Variants in WDR70 observed in about 807,000 individuals in gnomAD.
The protein encoded by WDR70 is WD repeat domain 70, also known as WD repeat-containing protein 70.
In WDR70, 53 loss-of-function variants were observed where a neutral mutation model predicts 88.6. The ratio of observed to expected loss-of-function variants is 0.60; its 90% CI spans 0.48 to 0.75. The LOEUF is 0.75. Among genes scored for constraint, WDR70 ranks in the 30% least tolerant of loss-of-function variants. The pLI, the probability that WDR70 is intolerant of heterozygous loss-of-function variation, is 0.00. For synonymous variants in WDR70, 280 were observed against 270.0 expected, an observed-to-expected ratio of 1.04 and a Z score of -0.36; for missense variants, 610 against 823.2, an observed-to-expected ratio of 0.74 and a Z score of 3.17.
At chr5:37,714,219 A>G (rs1247248375) in intron 13 of WDR70, among the ~76,000 whole-genome samples, 1 of 152,210 alleles carries the variant, frequency 6.6e-6, no homozygotes, top group Non-Finnish European at 1.5e-5. Context: ...ATCTGATTAC[A>G]TATATTTCTT....
chr5:37,593,763 C>T (rs750859007), intron 9 of WDR70, among the ~76,000 whole-genome samples: 1 of 152,184 alleles, frequency 6.6e-6, no homozygotes, highest in Non-Finnish European at 1.5e-5. Context: ...TACGGTCCCA[C>T]CAACAGTGTA....
At chr5:37,699,733 A>G (rs1397102124) in intron 11 of WDR70, among the ~76,000 whole-genome samples, 1 of 152,050 alleles carries the variant, frequency 6.6e-6, no homozygotes, top group Non-Finnish European at 1.5e-5. Context: ...GGATCACTTG[A>G]GGCCAGGAGT....
At chr5:37,444,081 G>C (rs1018100166) in intron 7 of WDR70, among the ~76,000 whole-genome samples, 12 of 151,722 alleles carry the variant, frequency 7.9e-5, no homozygotes, top group African/African-American at 2.7e-4. Flanking sequence ...CCCGGGAGGT[G>C]GAGGCTGCAG....
intron 9 of WDR70, among the ~76,000 whole-genome samples, chr5:37,558,451 TG>T (rs1742379073): frequency 6.6e-6 from 1 of 152,080 alleles, no homozygotes; most frequent in African/African-American, 2.4e-5. Flanking sequence ...CTCAGGTAGC[TG>T]GGACTATAGG....
intron 17 of WDR70, among the ~76,000 whole-genome samples, chr5:37,731,733 A>G (rs934607374): frequency 6.6e-6 from 1 of 152,180 alleles, no homozygotes; most frequent in Non-Finnish European, 1.5e-5. Context: ...GTCTATGTTT[A>G]CACACAAATC....
In WDR70 at chr5:37,696,681, G is replaced by A. The variant is rs148508099; in HGVS notation, c.1093-974G>A. Among the ~76,000 whole-genome samples the A allele has an allele frequency of 4.4e-3, 377 of 86,634 alleles. 2 individuals are homozygous for A. The highest frequency in any genetic ancestry group is 7.0e-3 in the Non-Finnish European group (256 of 36,624). The allele number at this position is 86,634 out of a possible 152,430, so 56.8% of individuals were successfully genotyped here. On this transcript the variant is annotated intron_variant, in intron 10 of 17. Transcript: ENST00000265107. ...TACACAGGTACACACACACGCGCGT[G>A]CACACACACCTATTATAGAGGTTAC... is the stretch of plus-strand genomic sequence containing the variant.
intron 5 of WDR70, among the ~76,000 whole-genome samples, chr5:37,436,784 T>A (rs1324934518): frequency 6.6e-6 from 1 of 152,134 alleles, no homozygotes; most frequent in Non-Finnish European, 1.5e-5. Context: ...TTTGTTTTTT[T>A]ACTATGGTAA....
At chr5:37,409,064 G>A (rs1049130733) in intron 5 of WDR70, among the ~76,000 whole-genome samples, 9 of 151,952 alleles carry the variant, frequency 5.9e-5, no homozygotes, top group East Asian at 1.9e-4. Context: ...TGAGCCTCCC[G>A]AGTAGCTGGG....
intron 13 of WDR70, among the ~76,000 whole-genome samples, chr5:37,711,994 T>C (rs1468687530): frequency 3.4e-5 from 5 of 146,714 alleles, no homozygotes; most frequent in Non-Finnish European, 7.5e-5. Flanking sequence ...TTTCTTTTTT[T>C]TTTTTTTTTT....
chr5:37,392,098 G>T lies in WDR70; in HGVS notation c.274G>T (p.Asp92Tyr). The change falls in exon 4 of 18, where the codon GAT (aspartate) becomes TAT (tyrosine). Residue 92 changes from aspartate (D) to tyrosine (Y), a missense_variant. Physicochemically the swap from Asp to Tyr is radical, Grantham distance 160. This residue lies in a region of WDR70 where 203 missense variants were observed against 228.1 expected (regional missense o/e 0.89). Transcript: ENST00000265107. The stretch of plus-strand genomic sequence containing the variant: ...ATCCTCAAGATCAAATGTGGTCAGA[G>T]ATTGCTCCAAATCATCTTCCAGGTG... The part of the protein sequence containing the change: ...PTSSRSNVVR[D>Y]CSKSSSRDTS... 1 of 1,610,720 alleles carries T rather than the reference G, an allele frequency of 6.2e-7. No individual in the cohort carries two copies. The highest frequency in any genetic ancestry group is 1.1e-5 in the South Asian group (1 of 89,934).
chr5:37,637,882 A>G (rs1745014920), intron 10 of WDR70, among the ~76,000 whole-genome samples: 1 of 152,204 alleles, frequency 6.6e-6, no homozygotes, highest in African/African-American at 2.4e-5. Context: ...TTGATTCAGG[A>G]GCTAGTGAAA....
intron 9 of WDR70, among the ~76,000 whole-genome samples, chr5:37,547,555 T>C (rs1742033065): frequency 6.6e-6 from 1 of 152,198 alleles, no homozygotes; most frequent in South Asian, 2.1e-4. Flanking sequence ...TGAGATGTTT[T>C]GATACAGATA....
At chr5:37,658,729 A>G (rs923614484) in intron 10 of WDR70, among the ~76,000 whole-genome samples, 2 of 152,156 alleles carry the variant, frequency 1.3e-5, no homozygotes, top group Admixed American at 6.5e-5. Flanking sequence ...CCGTTAAGAG[A>G]ATGAATGAGT....
At chr5:37,738,194 C>T (rs527684150) in intron 17 of WDR70, among the ~76,000 whole-genome samples, 4 of 152,188 alleles carry the variant, frequency 2.6e-5, no homozygotes, top group African/African-American at 9.6e-5. Flanking sequence ...TTCATTCTAA[C>T]AGGGTTAACA....
intron 6 of WDR70, among the ~76,000 whole-genome samples, chr5:37,441,588 C>T (rs755021635): frequency 7.9e-5 from 12 of 152,090 alleles, no homozygotes; most frequent in Non-Finnish European, 1.8e-4. Context: ...GAGTCTGAGG[C>T]GGGCAAATCA....
intron 17 of WDR70, among the ~76,000 whole-genome samples, chr5:37,735,088 A>G (rs1748262052): frequency 6.6e-6 from 1 of 152,128 alleles, no homozygotes; most frequent in African/African-American, 2.4e-5. Context: ...GAGGGTGAGT[A>G]GTAATTCCTT....
At chr5:37,426,110 G>A (rs1345825682) in intron 5 of WDR70, among the ~76,000 whole-genome samples, 4 of 152,128 alleles carry the variant, frequency 2.6e-5, no homozygotes, top group East Asian at 1.9e-4. Context: ...ACAGAACCCC[G>A]AGGGACAGAT....
Position 37,627,083 on chromosome 5 carries a change from C to A in WDR70, c.1092+21845C>A, listed in dbSNP as rs538616753. ...TCAAAGAACTAACTTTCTGTTTGAT[C>A]TTTTGTGTATTTTTTAGTCTTTTTC... is the stretch of plus-strand genomic sequence containing the variant. On this transcript the variant is annotated intron_variant, in intron 10 of 17. Transcript: ENST00000265107. Among the ~76,000 whole-genome samples, 3 of 151,686 alleles carry A rather than the reference C, an allele frequency of 2.0e-5. No individual in the cohort carries two copies. The South Asian group carries it at 6.3e-4, about 32-fold the overall frequency.
rs1415476892 is a variant in WDR70 at position 37,674,730 on chromosome 5, T to A, written c.1093-22925T>A. On this transcript the variant is annotated intron_variant, in intron 10 of 17. Transcript: ENST00000265107. ...GTCTTTATAGCAGCATGATTTATAATCCTTTGGGTATATACCCAGTAATGG... is the reference window on the plus strand; with the variant it reads ...GTCTTTATAGCAGCATGATTTATAAACCTTTGGGTATATACCCAGTAATGG... Among the ~76,000 whole-genome samples, 2 of 152,012 alleles carry A rather than the reference T, an allele frequency of 1.3e-5. 1 individual carries two copies. Among genetic ancestry groups the A allele is most frequent in the African/African-American group, 4.8e-5 (2 of 41,324 alleles).
Sources: allele counts gnomAD v4.1 joint callset (sites outside exome capture counted in the v4.1 genomes callset), GRCh38; gene constraint gnomAD v4.1.1; regional missense constraint gnomAD v4.1.1; transcripts MANE v1.5; gene names NCBI Gene and HGNC (gene_info 2026-07-23, HGNC 2026-07-21).